PLCD4: variants seen among roughly 807,000 people sequenced by gnomAD.
PLCD4 encodes the protein 1-phosphatidylinositol 4,5-bisphosphate phosphodiesterase delta-4.
Under a neutral mutation model 90.2 loss-of-function variants are expected in PLCD4, and 63 were observed. The observed-to-expected ratio is 0.70, with a 90% confidence interval of 0.57 to 0.86. PLCD4 has a LOEUF of 0.86. PLCD4 is among the 40% of genes least tolerant of loss of function. The pLI is 0.00. For missense variants in PLCD4, 830 were observed against 956.3 expected, an observed-to-expected ratio of 0.87 and a Z score of 1.74; for synonymous variants, 294 against 356.5, an observed-to-expected ratio of 0.82 and a Z score of 1.97.
At chr2:218,620,437 G>C (rs879581854) in intron 4 of PLCD4, among the ~76,000 whole-genome samples, 1 of 151,466 alleles carries the variant, frequency 6.6e-6, no homozygotes, top group Non-Finnish European at 1.5e-5. Context: ...ACCGGAAAAG[G>C]TTGCAGGGAG....
Position 218,608,077 on chromosome 2 carries a change from A to T in PLCD4, c.-34+7A>T, listed in dbSNP as rs923053183. ...TTCTGCTCTCCTGCCCACGGTAAGG[A>T]TCTGGAAGCTCTGACTACCCTCTGC... On this transcript the variant is annotated splice_region_variant and intron_variant, in intron 1 of 15. Transcript: ENST00000450993. 2.6e-5 allele frequency: 4 copies of T among 152,434 alleles called. No individual in the cohort carries two copies. Among genetic ancestry groups the T allele is most frequent in the African/African-American group, 9.7e-5 (4 of 41,438 alleles). 9.4% of individuals were successfully genotyped at this position (152,434 alleles called of 1,614,324 possible).
At chr2:218,626,158 C>A (rs1232462044) in intron 6 of PLCD4, among the ~76,000 whole-genome samples, 1 of 151,392 alleles carries the variant, frequency 6.6e-6, no homozygotes, top group East Asian at 1.9e-4. Flanking sequence ...ACTTGAGAGG[C>A]TGAGGTGAGA....
chr2:218,619,509 G>A (rs963394133), intron 4 of PLCD4, among the ~76,000 whole-genome samples: 1 of 152,030 alleles, frequency 6.6e-6, no homozygotes, highest in African/African-American at 2.4e-5. Context: ...TGGCCAGGCT[G>A]GTCTCGAACT....
chr2:218,617,613 G>A (rs1695678826), intron 3 of PLCD4, among the ~76,000 whole-genome samples: 1 of 151,774 alleles, frequency 6.6e-6, no homozygotes, highest in Non-Finnish European at 1.5e-5. Flanking sequence ...AATCATAACA[G>A]TGTGCACTTA....
rs751900322 is a variant in PLCD4 at position 218,633,716 on chromosome 2, T to C, written c.1561T>C (p.Ser521Pro). 5.1e-5 allele frequency: 83 copies of C among 1,613,802 alleles called. No homozygotes were observed. The highest frequency in any genetic ancestry group is 3.1e-4 in the South Asian group (28 of 91,080). Residue 521 changes from serine (S) to proline (P), a missense_variant, in exon 11 of 16, where the codon TCA (serine) becomes CCA (proline). Physicochemically the swap from Ser to Pro is moderately conservative, Grantham distance 74. Transcript: ENST00000450993. ...GGAGCACTACCACTTCTACGAGATA[T>C]CATCTTTCTCTGAAACCAAGGCCAA... is the stretch of plus-strand genomic sequence containing the variant. ...SKEHYHFYEI[S>P]SFSETKAKRL...
At chr2:218,625,121 AAAAAAAAAAAAG>A (rs1696054431) in intron 6 of PLCD4, among the ~76,000 whole-genome samples, 1 of 149,650 alleles carries the variant, frequency 6.7e-6, no homozygotes, top group Non-Finnish European at 1.5e-5. Flanking sequence ...TTTCAAAAAA[AAAAAAAAAAAAG>A]AAAGAAAGAA....
intron 13 of PLCD4, 107 bp from the exon 14 acceptor site, chr2:218,635,689 A>C: frequency 7.2e-7 from 1 of 1,397,846 alleles, no homozygotes; most frequent in East Asian, 2.5e-5. Flanking sequence ...TTACCCATGG[A>C]GGATGTTTTA....
At chr2:218,630,416 T>C (rs935918585) in intron 8 of PLCD4, among the ~76,000 whole-genome samples, 4 of 152,078 alleles carry the variant, frequency 2.6e-5, no homozygotes, top group Non-Finnish European at 5.9e-5. Flanking sequence ...TTGGCACAGG[T>C]ATGAGATTTA....
intron 7 of PLCD4, chr2:218,628,618 A>C: frequency 5.4e-6 from 1 of 183,498 alleles, no homozygotes; most frequent in East Asian, 1.3e-4. Context: ...TAAGTATTTA[A>C]CTTCTATACC....
chr2:218,636,662 G>A lies in PLCD4; in HGVS notation c.*85G>A, dbSNP rs1254605541. On this transcript the variant is annotated 3_prime_UTR_variant, in exon 16 of 16. Coordinates refer to ENST00000450993, the MANE Select transcript of PLCD4 (RefSeq NM_032726.4). ...AGGATGCTCGAGAGAACAAATGGAG[G>A]TGGTGAAAATCAAGCTTTGGATTGT... The A allele has an allele frequency of 2.1e-6, 3 of 1,403,082 alleles. No homozygotes were observed. Among genetic ancestry groups the A allele is most frequent in the Non-Finnish European group, 3.0e-6 (3 of 1,013,280 alleles). 86.9% of individuals were successfully genotyped at this position (1,403,082 alleles called of 1,614,324 possible).
rs2106177921 is a variant in PLCD4 at position 218,636,810 on chromosome 2, T to C, written c.*233T>C. ...TAAGCCTTTGGTATCTTTCCTGCCC[T>C]TTTCCTTTGTGTACTCTATACTGGA... is the stretch of plus-strand genomic sequence containing the variant. On this transcript the variant is annotated 3_prime_UTR_variant, in exon 16 of 16. Coordinates refer to ENST00000450993, the MANE Select transcript of PLCD4 (RefSeq NM_032726.4). 1.7e-6 allele frequency: 1 copy of C among 594,974 alleles called. No individual in the cohort carries two copies. The highest frequency in any genetic ancestry group is 3.1e-6 in the Non-Finnish European group (1 of 322,408). 36.9% of individuals were successfully genotyped at this position (594,974 alleles called of 1,614,324 possible). A position where few individuals can be genotyped will look rare whatever the true frequency, so the allele number is the denominator to read the frequency against.
chr2:218,632,242 C>T lies in PLCD4; in HGVS notation c.1379C>T (p.Ala460Val), dbSNP rs776721135. ...AEPELEESEL[A>V]LESQFETEPE... is the part of the protein sequence containing the mutation. ...CCTGAGTTGGAAGAGTCAGAATTGG[C>T]GCTGGAGTCCCAGTTTGAGACTGAG... The change falls in exon 10 of 16, where the codon GCG becomes GTG. Residue 460 changes from alanine to valine, a missense_variant. Ala to Val is a moderately conservative substitution (Grantham distance 64). Transcript: ENST00000450993. 1.6e-5 allele frequency: 26 copies of T among 1,611,060 alleles called. No individual in the cohort carries two copies. Among genetic ancestry groups the T allele is most frequent in the East Asian group, 8.9e-5 (4 of 44,830 alleles).
At chr2:218,610,152 A>G (rs1695268017) in intron 1 of PLCD4, among the ~76,000 whole-genome samples, 1 of 152,048 alleles carries the variant, frequency 6.6e-6, no homozygotes, top group Admixed American at 6.6e-5. Flanking sequence ...TTTTTTTTAT[A>G]GTGAACTGGG....
intron 4 of PLCD4, among the ~76,000 whole-genome samples, chr2:218,619,915 T>G (rs1017509803): frequency 7.2e-5 from 11 of 152,200 alleles, no homozygotes; most frequent in African/African-American, 2.7e-4. Flanking sequence ...TCTCACTCTG[T>G]CACCCAAGCT....
At position 218,613,392 on chromosome 2, in the gene PLCD4, CAAA is replaced by C. The variant is rs36096465; in HGVS notation, c.-33-2296_-33-2294del. Among the ~76,000 whole-genome samples the C allele has an allele frequency of 2.7e-3, 209 of 76,762 alleles. 1 individual carries two copies. Among genetic ancestry groups the C allele is most frequent in the East Asian group, 4.0e-3 (10 of 2,506 alleles). 50.4% of individuals were successfully genotyped at this position (76,762 alleles called of 152,430 possible). ...GGTAATAAGAGCAAAAGTCTGTCTCCAAAAAAAAAAAAAAAAAAAAAGCACATA... is the reference window on the plus strand; with the variant it reads ...GGTAATAAGAGCAAAAGTCTGTCTCCAAAAAAAAAAAAAAAAAAGCACATA... On this transcript the variant is annotated intron_variant, in intron 1 of 15. Transcript: ENST00000450993.
At chr2:218,621,419 A>G (rs1559267268) in intron 4 of PLCD4, 51 bp from the exon 5 acceptor site, 1 of 1,607,710 alleles carries the variant, frequency 6.2e-7, no homozygotes, top group Non-Finnish European at 8.5e-7. Flanking sequence ...TGCACACACA[A>G]CTGCACACAC....
chr2:218,611,869 G>A (rs190322451), intron 1 of PLCD4, among the ~76,000 whole-genome samples: 9 of 152,278 alleles, frequency 5.9e-5, no homozygotes, highest in South Asian at 4.2e-4. Context: ...AAAGTGCTGG[G>A]ATTACAGGCG....
In PLCD4 at chr2:218,634,446, T is replaced by C. The variant is rs1235201590; in HGVS notation, c.1724-12T>C. The C allele has an allele frequency of 1.2e-6, 2 of 1,608,230 alleles. No homozygotes were observed. The highest frequency in any genetic ancestry group is 1.7e-6 in the Non-Finnish European group (2 of 1,177,348). On this transcript the variant is annotated splice_polypyrimidine_tract_variant and intron_variant, in intron 12 of 15. Coordinates refer to ENST00000450993, the MANE Select transcript of PLCD4 (RefSeq NM_032726.4). The surrounding 1 kb of genome is among the most constrained non-coding windows in gnomAD (Gnocchi z 4.0). ...GGTGAATCTTGCTCTTCTTTTCTCCTGGGGCCCTCAGTGGCCATGAATATG... is the reference window on the plus strand; with the variant it reads ...GGTGAATCTTGCTCTTCTTTTCTCCCGGGGCCCTCAGTGGCCATGAATATG...
At chr2:218,621,292 G>C (rs1221115940) in intron 4 of PLCD4, among the ~76,000 whole-genome samples, 178 bp from the exon 5 acceptor site, 1 of 152,238 alleles carries the variant, frequency 6.6e-6, no homozygotes, top group Non-Finnish European at 1.5e-5. Flanking sequence ...GGGCCATACA[G>C]TGACAAGATA....
Sources: allele counts gnomAD v4.1 joint callset (sites outside exome capture counted in the v4.1 genomes callset), GRCh38; gene constraint gnomAD v4.1.1; non-coding constraint Gnocchi (gnomAD v3.1); transcripts MANE v1.5; gene names NCBI Gene and HGNC (gene_info 2026-07-23, HGNC 2026-07-21).